AP1AR: variants seen among roughly 807,000 people sequenced by gnomAD.
The protein encoded by AP1AR is adaptor related protein complex 1 associated regulatory protein, also known as AP-1 complex-associated regulatory protein.
AP1AR carries 29 observed loss-of-function variants against 46.3 expected under a neutral mutation model. The observed-to-expected ratio is 0.63, with a 90% CI of 0.47 to 0.85. The LOEUF is 0.85. AP1AR is among the 40% of genes least tolerant of loss of function. AP1AR has a pLI of 0.00. For synonymous variants in AP1AR, 122 were observed against 122.9 expected, an observed-to-expected ratio of 0.99 and a Z score of 0.05; for missense variants, 357 against 356.3, an observed-to-expected ratio of 1.00 and a Z score of -0.02.
chr4:112,250,722 T>G (rs1056230205), intron 1 of AP1AR, among the ~76,000 whole-genome samples: 2 of 152,212 alleles, frequency 1.3e-5, no homozygotes, highest in Non-Finnish European at 2.9e-5. Flanking sequence ...TAGCTTTTAT[T>G]GTGGTAGGAG....
chr4:112,254,895 TTTA>T, intron 3 of AP1AR, 122 bp downstream of exon 3: 1 of 498,124 alleles, frequency 2.0e-6, no homozygotes, highest in Non-Finnish European at 3.3e-6. Flanking sequence ...TTTTCTGGTT[TTTA>T]TTTTTACTTT....
Position 112,268,390 on chromosome 4 carries a change from C to T in AP1AR, c.890C>T (p.Thr297Ile), listed in dbSNP as rs34900583. Residue 297 changes from threonine to isoleucine, a missense_variant, in exon 10 of 10, where the codon ACA (threonine) becomes ATA (isoleucine). Physicochemically the swap from Thr to Ile is moderately conservative, Grantham distance 89 (BLOSUM62 -1). Transcript: ENST00000274000. ...LSDSGIRHSD[T>I]DQQTR ...GATTCTGGCATAAGGCATTCTGACA[C>T]AGATCAACAGACTCGATAGGGTAAA... is the stretch of plus-strand genomic sequence containing the variant. The T allele has an allele frequency of 1.2e-3, 1,857 of 1,599,776 alleles. 11 individuals carry two copies. In the African/African-American group the frequency reaches 0.018, roughly 15 times the overall value.
chr4:112,266,940 G>A (rs975379340), intron 9 of AP1AR: 7 of 364,468 alleles, frequency 1.9e-5, no homozygotes, highest in Admixed American at 9.2e-5. Flanking sequence ...AATAAATGTC[G>A]ATTTCTTTAA....
intron 2 of AP1AR, among the ~76,000 whole-genome samples, chr4:112,253,804 G>C (rs944924197): frequency 2.6e-5 from 4 of 152,184 alleles, no homozygotes; most frequent in African/African-American, 9.7e-5. Flanking sequence ...GACAGGTGGA[G>C]AAATTGGGCT....
Position 112,231,805 on chromosome 4 carries a change from G to A in AP1AR, c.-287G>A, listed in dbSNP as rs530987462. On this transcript the variant is annotated 5_prime_UTR_variant, in exon 1 of 10. Coordinates refer to ENST00000274000, the MANE Select transcript of AP1AR (RefSeq NM_018569.6). ...GGCGGTCACTCACGCTGGGCTAGGA[G>A]CTGAGGCGAGAAGGGCCATGCGGAC... The A allele has an allele frequency of 7.5e-5, 24 of 321,986 alleles. No homozygotes were observed. In the South Asian group the frequency reaches 2.7e-3, roughly 36 times the overall value. 19.9% of individuals were successfully genotyped at this position (321,986 alleles called of 1,614,324 possible). A position where few individuals can be genotyped will look rare whatever the true frequency, so the allele number is the denominator to read the frequency against.
At chr4:112,259,277 G>A (rs1485884749) in intron 4 of AP1AR, among the ~76,000 whole-genome samples, 2 of 152,188 alleles carry the variant, frequency 1.3e-5, no homozygotes, top group African/African-American at 4.8e-5. Context: ...ACAAGTGAAT[G>A]GGAGGTAAGG....
intron 1 of AP1AR, among the ~76,000 whole-genome samples, chr4:112,247,563 C>G (rs1725777708): frequency 1.3e-5 from 2 of 152,124 alleles, no homozygotes; most frequent in Non-Finnish European, 2.9e-5. Context: ...TAGGAGATAG[C>G]CTTGATTTTT....
chr4:112,264,398 C>A (rs924106764), intron 6 of AP1AR, among the ~76,000 whole-genome samples: 1 of 152,064 alleles, frequency 6.6e-6, no homozygotes, highest in Non-Finnish European at 1.5e-5. Flanking sequence ...TACACTGACA[C>A]CCACCAAGTC....
rs186180244 is a variant in AP1AR at position 112,270,807 on chromosome 4, G to T, written c.*2398G>T. ...GCAAGACCTTGTAGACCAAGAATGA[G>T]TTTTATTTGATGTGTAATAGAAAGC... On this transcript the variant is annotated 3_prime_UTR_variant, in exon 10 of 10. Coordinates refer to ENST00000274000, the MANE Select transcript of AP1AR (RefSeq NM_018569.6). 7.9e-5 allele frequency among the ~76,000 whole-genome samples: 12 copies of T among 152,310 alleles called. No individual in the cohort carries two copies. The highest frequency in any genetic ancestry group is 1.3e-4 in the Non-Finnish European group (9 of 68,032).
Position 112,253,261 on chromosome 4 carries a change from G to A in AP1AR, c.132+5G>A. On this transcript the variant is annotated splice_donor_5th_base_variant and intron_variant, in intron 2 of 9. Coordinates refer to ENST00000274000, the MANE Select transcript of AP1AR (RefSeq NM_018569.6). ...GGTGAGCACTTAACAATAGAGGTAA[G>A]TAGTCCTTAATTTGATTGAATTAAA... 6.2e-7 allele frequency: 1 copy of A among 1,607,096 alleles called. No homozygotes were observed. Among genetic ancestry groups the A allele is most frequent in the Non-Finnish European group, 8.5e-7 (1 of 1,176,038 alleles).
rs781265020 is a variant in AP1AR, at chr4:112,264,983, T to C, written c.382-26T>C. The C allele has an allele frequency of 6.4e-6, 10 of 1,570,570 alleles. No individual in the cohort carries two copies. In the East Asian group the frequency reaches 1.8e-4, roughly 29 times the overall value. On this transcript the variant is annotated intron_variant, in intron 6 of 9. Transcript: ENST00000274000. Reference sequence around the variant, plus strand: ...TATATAATTTTACAACAGAGTGATTTTTTTTATTACATTATGTTTCCAAAG... The same window carrying C: ...TATATAATTTTACAACAGAGTGATTCTTTTTATTACATTATGTTTCCAAAG...
At chr4:112,238,684 TC>T (rs1489567140) in intron 1 of AP1AR, among the ~76,000 whole-genome samples, 1 of 152,214 alleles carries the variant, frequency 6.6e-6, no homozygotes, top group Non-Finnish European at 1.5e-5. Context: ...ATTCCATTTT[TC>T]CCTAATACAT....
intron 5 of AP1AR, 141 bp downstream of exon 5, chr4:112,261,003 C>T: frequency 2.1e-6 from 1 of 474,050 alleles, no homozygotes; most frequent in East Asian, 3.6e-5. Context: ...AAAATCATTC[C>T]AGCCTATTAT....
intron 3 of AP1AR, 97 bp from the exon 4 acceptor site, chr4:112,257,675 G>A: frequency 1.1e-6 from 1 of 908,474 alleles, no homozygotes; most frequent in Admixed American, 3.1e-5. Flanking sequence ...AAATGGGTAA[G>A]TTGAAAGTAT....
Position 112,269,141 on chromosome 4 carries a change from A to G in AP1AR, c.*732A>G, listed in dbSNP as rs1286836779. Reference sequence around the variant, plus strand: ...TTTTTTCCACTTCATTTTACATGCCACTATATTGACTTTAATTGATATACA... The same window carrying G: ...TTTTTTCCACTTCATTTTACATGCCGCTATATTGACTTTAATTGATATACA... On this transcript the variant is annotated 3_prime_UTR_variant, in exon 10 of 10. Coordinates refer to ENST00000274000, the MANE Select transcript of AP1AR (RefSeq NM_018569.6). 1 of 151,124 alleles carries G rather than the reference A, an allele frequency of 6.6e-6. No individual in the cohort carries two copies. Among genetic ancestry groups the G allele is most frequent in the Non-Finnish European group, 1.5e-5 (1 of 67,596 alleles). 9.4% of individuals were successfully genotyped at this position (151,124 alleles called of 1,614,324 possible).
chr4:112,259,010 ATTG>A (rs1313388519), intron 4 of AP1AR, among the ~76,000 whole-genome samples: 1 of 152,112 alleles, frequency 6.6e-6, no homozygotes, highest in African/African-American at 2.4e-5. Context: ...GGATCTGAGG[ATTG>A]ACTAGGCGGA....
At chr4:112,250,206 C>T (rs1725896309) in intron 1 of AP1AR, among the ~76,000 whole-genome samples, 1 of 152,034 alleles carries the variant, frequency 6.6e-6, no homozygotes, top group South Asian at 2.1e-4. Flanking sequence ...TCATTGAGAA[C>T]AAAACTGAAG....
intron 1 of AP1AR, among the ~76,000 whole-genome samples, chr4:112,243,261 C>G (rs112950958): frequency 2.0e-5 from 3 of 152,158 alleles, no homozygotes; most frequent in African/African-American, 7.2e-5. Context: ...GCATTTAAGT[C>G]TTATGTCTTG....
intron 6 of AP1AR, among the ~76,000 whole-genome samples, chr4:112,264,391 ACT>A (rs944446151): frequency 1.3e-5 from 2 of 152,222 alleles, no homozygotes; most frequent in African/African-American, 4.8e-5. Context: ...ACAGACATAC[ACT>A]GACACCCACC....
Sources: allele counts gnomAD v4.1 joint callset (sites outside exome capture counted in the v4.1 genomes callset), GRCh38; gene constraint gnomAD v4.1.1; transcripts MANE v1.5; gene names NCBI Gene and HGNC (gene_info 2026-07-23, HGNC 2026-07-21).